CDH4: variants seen among roughly 807,000 people sequenced by gnomAD.
The protein encoded by CDH4 is cadherin-4.
Under a neutral mutation model 86.0 loss-of-function variants are expected in CDH4, and 33 were observed. That is an observed-to-expected ratio of 0.38 (90% CI 0.29 to 0.51). The LOEUF is 0.51. Among genes scored for constraint, CDH4 ranks in the 20% least tolerant of loss-of-function variants. CDH4 has a pLI of 0.86. For missense variants in CDH4, 1,114 were observed against 1,307.4 expected (o/e 0.85, Z 2.28); for synonymous variants, 555 against 549.4 (o/e 1.01, Z -0.14).
intron 2 of CDH4, among the ~76,000 whole-genome samples, chr20:61,607,209 C>T (rs1039987396): frequency 6.6e-6 from 1 of 152,198 alleles, no homozygotes; most frequent in Admixed American, 6.5e-5. Flanking sequence ...TTAATCTGCG[C>T]ACATATAAAG....
rs114230762 is a variant in CDH4, at chr20:61,743,401, G to A, written c.170-162G>A. ...CCTCTGGCTAATTCTCTAGGGGGTTGAGATAAAACACACCACCTTCTCGGG... is the reference window on the plus strand; with the variant it reads ...CCTCTGGCTAATTCTCTAGGGGGTTAAGATAAAACACACCACCTTCTCGGG... On this transcript the variant is annotated intron_variant, in intron 2 of 15. Coordinates refer to ENST00000614565, the MANE Select transcript of CDH4 (RefSeq NM_001794.5). Among the ~76,000 whole-genome samples, 899 of 152,286 alleles carry A rather than the reference G, an allele frequency of 5.9e-3. 10 individuals carry two copies. Among genetic ancestry groups the A allele is most frequent in the African/African-American group, 0.02 (815 of 41,550 alleles).
chr20:61,565,112 GCT>G (rs2086259591), intron 2 of CDH4, among the ~76,000 whole-genome samples: 3 of 123,644 alleles, frequency 2.4e-5, no homozygotes, highest in Non-Finnish European at 3.6e-5. Flanking sequence ...TCTTGGTGGT[GCT>G]GGTGCTCTTG....
At chr20:61,900,435 C>T (rs1985340190) in intron 8 of CDH4, among the ~76,000 whole-genome samples, 2 of 152,170 alleles carry the variant, frequency 1.3e-5, no homozygotes, top group South Asian at 4.1e-4. Flanking sequence ...CCCACCCACC[C>T]GACATCACCT....
intron 2 of CDH4, among the ~76,000 whole-genome samples, chr20:61,420,472 A>G (rs1452569790): frequency 6.6e-6 from 1 of 152,228 alleles, no homozygotes; most frequent in East Asian, 1.9e-4. Flanking sequence ...ATCTCACCAC[A>G]ATTTCTATTG....
At chr20:61,711,619 C>T (rs1301547032) in intron 2 of CDH4, among the ~76,000 whole-genome samples, 1 of 152,236 alleles carries the variant, frequency 6.6e-6, no homozygotes, top group Non-Finnish European at 1.5e-5. Flanking sequence ...AATCTCCTGT[C>T]TCAAGATCCT....
chr20:61,931,465 C>T (rs1297814746), intron 13 of CDH4, among the ~76,000 whole-genome samples: 1 of 152,246 alleles, frequency 6.6e-6, no homozygotes, highest in African/African-American at 2.4e-5. Flanking sequence ...GCAGCCACAG[C>T]CAATTAATCG....
chr20:61,362,802 T>C (rs1448036808), intron 2 of CDH4, among the ~76,000 whole-genome samples: 1 of 152,038 alleles, frequency 6.6e-6, no homozygotes, highest in African/African-American at 2.4e-5. Flanking sequence ...GATCATGCGT[T>C]CTGTGTTGGG....
chr20:61,820,916 G>T (rs1980988769), intron 4 of CDH4, among the ~76,000 whole-genome samples: 1 of 152,120 alleles, frequency 6.6e-6, no homozygotes, highest in Admixed American at 6.5e-5. Context: ...AATAGGACAG[G>T]CTTTGCGGAG....
At chr20:61,739,715 G>C (rs1333824887) in intron 2 of CDH4, among the ~76,000 whole-genome samples, 1 of 152,228 alleles carries the variant, frequency 6.6e-6, no homozygotes, top group African/African-American at 2.4e-5. Flanking sequence ...AGTTCAGAAG[G>C]TAAAACTGGA....
chr20:61,476,198 C>A (rs1227818265), intron 2 of CDH4, among the ~76,000 whole-genome samples: 1 of 152,184 alleles, frequency 6.6e-6, no homozygotes, highest in Non-Finnish European at 1.5e-5. Flanking sequence ...ATTGGAGTTT[C>A]CTTGAGTTCT....
chr20:61,854,326 G>A (rs34874716), intron 6 of CDH4, among the ~76,000 whole-genome samples: 45,020 of 152,190 alleles, frequency 0.3, 8,279 homozygotes, highest in Non-Finnish European at 0.41. Flanking sequence ...CTGCGTGGGC[G>A]GTCCCTGGGC....
intron 2 of CDH4, among the ~76,000 whole-genome samples, chr20:61,621,392 A>G (rs995769197): frequency 5.9e-5 from 9 of 152,240 alleles, no homozygotes; most frequent in Non-Finnish European, 1.2e-4. Flanking sequence ...GAAACATTTC[A>G]GTTAATTGCA....
At chr20:61,875,346 C>T (rs908340250) in intron 7 of CDH4, among the ~76,000 whole-genome samples, 19 of 152,182 alleles carry the variant, frequency 1.2e-4, no homozygotes, top group African/African-American at 4.6e-4. Flanking sequence ...GGGGGGTAAC[C>T]CTTGGCAGCC....
chr20:61,877,727 C>G (rs895015766), intron 7 of CDH4, among the ~76,000 whole-genome samples: 9 of 152,140 alleles, frequency 5.9e-5, no homozygotes, highest in African/African-American at 2.2e-4. Context: ...CAGTTTCTGT[C>G]TTGTGCGTGT....
intron 2 of CDH4, among the ~76,000 whole-genome samples, chr20:61,363,224 T>C (rs1263930218): frequency 6.6e-6 from 1 of 152,034 alleles, no homozygotes; most frequent in Non-Finnish European, 1.5e-5. Flanking sequence ...TCCCATCCGT[T>C]TGTTCTTTAA....
At chr20:61,802,912 TC>T (rs1031452234) in intron 4 of CDH4, among the ~76,000 whole-genome samples, 3 of 152,206 alleles carry the variant, frequency 2.0e-5, no homozygotes, top group Non-Finnish European at 4.4e-5. Flanking sequence ...GCAGGCTGGC[TC>T]TCGCTGGAGG....
intron 6 of CDH4, among the ~76,000 whole-genome samples, chr20:61,862,567 A>G (rs1983376654): frequency 6.6e-6 from 1 of 152,172 alleles, no homozygotes; most frequent in Non-Finnish European, 1.5e-5. Context: ...TGCCATCCGT[A>G]CTGCCTGGTC....
chr20:61,604,182 A>G (rs972417683), intron 2 of CDH4, among the ~76,000 whole-genome samples: 1 of 152,214 alleles, frequency 6.6e-6, no homozygotes, highest in African/African-American at 2.4e-5. Context: ...CAAAGCTAAG[A>G]ATACAATATT....
chr20:61,333,353 G>A (rs2123268174), intron 2 of CDH4, among the ~76,000 whole-genome samples: 1 of 152,320 alleles, frequency 6.6e-6, no homozygotes, highest in Middle Eastern at 3.4e-3. Flanking sequence ...CAAAATCTGA[G>A]TCATAGAAAC....
Sources: allele counts gnomAD v4.1 joint callset (sites outside exome capture counted in the v4.1 genomes callset), GRCh38; gene constraint gnomAD v4.1.1; transcripts MANE v1.5; gene names NCBI Gene and HGNC (gene_info 2026-07-23, HGNC 2026-07-21).